The following ZBTB20 variants were observed in gnomAD, a reference collection of about 807,000 sequenced individuals.
The protein encoded by ZBTB20 is zinc finger and BTB domain-containing protein 20.
ZBTB20 carries 9 observed loss-of-function variants against 56.9 expected under a neutral mutation model. The ratio of observed to expected loss-of-function variants is 0.16; its 90% CI spans 0.10 to 0.28. ZBTB20 has a LOEUF of 0.28. ZBTB20 is among the 10% of genes least tolerant of loss of function. The pLI, the probability that ZBTB20 is intolerant of heterozygous loss-of-function variation, is 1.00. For missense variants in ZBTB20, 655 were observed against 1,003.0 expected (o/e 0.65, Z 4.69); for synonymous variants, 417 against 420.7 (o/e 0.99, Z 0.11).
At chr3:115,009,079 A>G (rs555203209) in intron 2 of ZBTB20, among the ~76,000 whole-genome samples, 2 of 151,820 alleles carry the variant, frequency 1.3e-5, no homozygotes, top group Non-Finnish European at 2.9e-5. Flanking sequence ...TCCTTTGAAC[A>G]TTATCTACTG....
intron 1 of ZBTB20, among the ~76,000 whole-genome samples, chr3:115,091,733 T>C (rs1433556194): frequency 2.7e-5 from 4 of 150,634 alleles, no homozygotes; most frequent in Non-Finnish European, 4.4e-5. Flanking sequence ...TATATATATA[T>C]ACACGAGAAT....
chr3:115,136,417 T>C (rs977781480), intron 1 of ZBTB20, among the ~76,000 whole-genome samples: 1 of 151,936 alleles, frequency 6.6e-6, no homozygotes. Context: ...GGCTAAGGAC[T>C]AAAGCTATAA....
intron 1 of ZBTB20, among the ~76,000 whole-genome samples, chr3:115,077,696 C>T (rs1318423208): frequency 6.6e-6 from 1 of 152,100 alleles, no homozygotes; most frequent in African/African-American, 2.4e-5. Flanking sequence ...GAGGAATTGC[C>T]TCACACCTGT....
chr3:115,093,869 AT>A (rs749828357), intron 1 of ZBTB20, among the ~76,000 whole-genome samples: 3 of 152,150 alleles, frequency 2.0e-5, no homozygotes, highest in African/African-American at 4.8e-5. Context: ...TGCAGAGGGA[AT>A]TTATATAGAT....
At chr3:114,854,812 A>G (rs1246075097) in intron 4 of ZBTB20, among the ~76,000 whole-genome samples, 3 of 152,232 alleles carry the variant, frequency 2.0e-5, no homozygotes, top group African/African-American at 7.2e-5. Flanking sequence ...GACAATGGAT[A>G]CATTGCTGCA....
At chr3:115,045,781 T>G (rs2081312707) in intron 2 of ZBTB20, among the ~76,000 whole-genome samples, 1 of 152,154 alleles carries the variant, frequency 6.6e-6, no homozygotes, top group African/African-American at 2.4e-5. Context: ...ACTACTGACA[T>G]ATTCTTTCCC....
rs1454666440 is a variant in ZBTB20 at position 114,339,080 on chromosome 3, G to A, written c.2151C>T (p.Cys717=). The change falls in exon 12 of 12, where the codon TGC becomes TGT. Residue 717 remains cysteine (C), a synonymous_variant. Coordinates refer to ENST00000675478, the MANE Select transcript of ZBTB20 (RefSeq NM_001348800.3). This position sits in a 1 kb window ranked among gnomAD's most constrained non-coding sequence, Gnocchi z 4.2. ...VACTEGTTYV[C]SVCPAKFDQI... is the part of the protein sequence containing the mutation. Reference sequence around the variant, plus strand: ...GGTCAAACTTTGCTGGGCAGACGGAGCAGACGTAAGTGGTCCCCTCCGTGC... The same window carrying A: ...GGTCAAACTTTGCTGGGCAGACGGAACAGACGTAAGTGGTCCCCTCCGTGC... The A allele has an allele frequency of 1.3e-6, 2 of 1,574,112 alleles. No homozygotes were observed. The highest frequency in any genetic ancestry group is 1.2e-5 in the South Asian group (1 of 84,548).
intron 1 of ZBTB20, among the ~76,000 whole-genome samples, chr3:115,088,346 C>A (rs1046263151): frequency 6.6e-6 from 1 of 151,660 alleles, no homozygotes; most frequent in South Asian, 2.1e-4. Context: ...GAAATATAAC[C>A]CCAAATTTCC....
At chr3:115,101,309 A>AG (rs1330555747) in intron 1 of ZBTB20, among the ~76,000 whole-genome samples, 2 of 152,270 alleles carry the variant, frequency 1.3e-5, no homozygotes, top group African/African-American at 4.8e-5. Flanking sequence ...GCCTTAAAAG[A>AG]GAAAAAAAAC....
intron 2 of ZBTB20, among the ~76,000 whole-genome samples, chr3:115,060,235 T>G (rs2081967228): frequency 6.6e-6 from 1 of 152,212 alleles, no homozygotes; most frequent in Admixed American, 6.5e-5. Flanking sequence ...AAGCAAGTTA[T>G]ACTTAAAGCA....
chr3:114,840,706 C>G (rs2074346583), intron 4 of ZBTB20, among the ~76,000 whole-genome samples: 2 of 152,080 alleles, frequency 1.3e-5, no homozygotes, highest in Admixed American at 1.3e-4. Flanking sequence ...TCATACCCAC[C>G]ATTGATACCT....
At chr3:114,399,336 T>C (rs1336121648) in intron 7 of ZBTB20, among the ~76,000 whole-genome samples, 1 of 152,156 alleles carries the variant, frequency 6.6e-6, no homozygotes, top group Admixed American at 6.5e-5. Context: ...TAAAAAGCTA[T>C]TTTATAAATA....
At chr3:114,958,494 G>C (rs1020922139) in intron 3 of ZBTB20, among the ~76,000 whole-genome samples, 1 of 152,120 alleles carries the variant, frequency 6.6e-6, no homozygotes, top group Admixed American at 6.6e-5. Context: ...ATTCAGAGCA[G>C]AATACAGTCT....
chr3:114,671,923 G>A (rs931802448), intron 6 of ZBTB20, among the ~76,000 whole-genome samples: 6 of 152,150 alleles, frequency 3.9e-5, no homozygotes, highest in East Asian at 1.9e-4. Context: ...GTAACACCAC[G>A]TGTCTGTTTT....
At chr3:114,513,065 G>A (rs956001696) in intron 6 of ZBTB20, among the ~76,000 whole-genome samples, 2 of 152,124 alleles carry the variant, frequency 1.3e-5, no homozygotes, top group Non-Finnish European at 2.9e-5. Flanking sequence ...CAGTGGACAT[G>A]GTAAAAAGAA....
chr3:114,827,890 T>C (rs2073626663), intron 4 of ZBTB20, among the ~76,000 whole-genome samples: 1 of 151,770 alleles, frequency 6.6e-6, no homozygotes, highest in African/African-American at 2.4e-5. Flanking sequence ...TTTATTTTCC[T>C]GTGTAATTTC....
chr3:114,919,670 A>G (rs1460559373), intron 3 of ZBTB20, among the ~76,000 whole-genome samples: 1 of 151,738 alleles, frequency 6.6e-6, no homozygotes, highest in African/African-American at 2.4e-5. Flanking sequence ...GTACCACTGC[A>G]CTCTAGCCTG....
At chr3:114,776,643 T>C (rs2069627259) in intron 5 of ZBTB20, among the ~76,000 whole-genome samples, 1 of 152,204 alleles carries the variant, frequency 6.6e-6, no homozygotes, top group Non-Finnish European at 1.5e-5. Context: ...GGTAGTTTGT[T>C]ATAGCAGCCA....
chr3:114,785,842 T>C (rs1362978113), intron 5 of ZBTB20, among the ~76,000 whole-genome samples: 2 of 152,202 alleles, frequency 1.3e-5, no homozygotes, highest in East Asian at 3.8e-4. Context: ...GTCAGTATTA[T>C]TAACTATAGT....
Sources: allele counts gnomAD v4.1 joint callset (sites outside exome capture counted in the v4.1 genomes callset), GRCh38; gene constraint gnomAD v4.1.1; non-coding constraint Gnocchi (gnomAD v3.1); transcripts MANE v1.5; gene names NCBI Gene and HGNC (gene_info 2026-07-23, HGNC 2026-07-21).